Variants in RBFOX1 observed in about 807,000 individuals in gnomAD.
RBFOX1 encodes RNA binding protein fox-1 homolog 1.
RBFOX1 carries 8 observed loss-of-function variants against 57.7 expected under a neutral mutation model. The observed-to-expected ratio is 0.14, with a 90% CI of 0.08 to 0.25. RBFOX1 has a LOEUF of 0.25. Among genes scored for constraint, RBFOX1 ranks in the 10% least tolerant of loss-of-function variants. The pLI is 1.00. For synonymous variants in RBFOX1, 326 were observed against 222.4 expected (o/e 1.47, Z -4.15); for missense variants, 611 against 548.5 (o/e 1.11, Z -1.14).
intron 4 of RBFOX1, among the ~76,000 whole-genome samples, chr16:7,479,689 T>A (rs2063485474): frequency 6.6e-6 from 1 of 152,036 alleles, no homozygotes. Flanking sequence ...GGGCTGCTTC[T>A]CTCCGAGGGG....
chr16:6,020,032 A>T, intron 1 of RBFOX1, 40 bp downstream of exon 1: 1 of 1,447,842 alleles, frequency 6.9e-7, no homozygotes, highest in East Asian at 2.7e-5. Context: ...ACCCACCCTG[A>T]CCTGGTGGGT....
chr16:7,469,760 G>A (rs1223049069), intron 4 of RBFOX1, among the ~76,000 whole-genome samples: 1 of 151,946 alleles, frequency 6.6e-6, no homozygotes, highest in East Asian at 1.9e-4. Flanking sequence ...TTATATTGTT[G>A]TGCAATTACT....
At chr16:7,344,570 T>G (rs187904935) in intron 4 of RBFOX1, among the ~76,000 whole-genome samples, 4 of 151,444 alleles carry the variant, frequency 2.6e-5, no homozygotes, top group Admixed American at 2.6e-4. Flanking sequence ...GTAATGATTA[T>G]ATGTAATATA....
At chr16:7,603,779 G>T (rs2141106146) in intron 9 of RBFOX1, among the ~76,000 whole-genome samples, 1 of 152,280 alleles carries the variant, frequency 6.6e-6, no homozygotes, top group Non-Finnish European at 1.5e-5. Context: ...TTTGGTTAAT[G>T]GTTAGTGTGT....
chr16:5,511,280 T>C (rs1170306300), intron 2 of RBFOX1, among the ~76,000 whole-genome samples: 2 of 152,184 alleles, frequency 1.3e-5, no homozygotes, highest in African/African-American at 4.8e-5. Context: ...GAGATCTGGT[T>C]TGAGGTCTTT....
intron 3 of RBFOX1, among the ~76,000 whole-genome samples, chr16:6,932,765 TTTAAC>T (rs2076769675): frequency 6.6e-6 from 1 of 152,232 alleles, no homozygotes; most frequent in East Asian, 1.9e-4. Flanking sequence ...AATTTACCAT[TTTAAC>T]TTTTTATTGC....
chr16:5,840,948 G>C (rs1331016204), intron 3 of RBFOX1, among the ~76,000 whole-genome samples: 1 of 152,112 alleles, frequency 6.6e-6, no homozygotes, highest in Non-Finnish European at 1.5e-5. Flanking sequence ...TAAGCTCTTA[G>C]GCTATTGCAG....
chr16:7,153,521 G>T lies in RBFOX1; in HGVS notation c.27+101423G>T, dbSNP rs372807548. ...GGAGGCTGCGGCAAGTGAATCACAA[G>T]GTCAAGAGATCGAGACCATCCTGGC... On this transcript the variant is annotated intron_variant, in intron 4 of 15. Transcript: ENST00000550418. Among the ~76,000 whole-genome samples the T allele has an allele frequency of 1.1e-3, 167 of 151,952 alleles. 1 individual carries two copies. Among genetic ancestry groups the T allele is most frequent in the African/African-American group, 3.7e-3 (152 of 41,410 alleles).
At chr16:6,622,145 T>G (rs753698327) in intron 2 of RBFOX1, among the ~76,000 whole-genome samples, 4 of 152,194 alleles carry the variant, frequency 2.6e-5, no homozygotes, top group Non-Finnish European at 5.9e-5. Flanking sequence ...CCTTAAGTAC[T>G]TTATTGAATG....
intron 3 of RBFOX1, among the ~76,000 whole-genome samples, chr16:7,005,075 C>G (rs940105660): frequency 6.6e-6 from 1 of 152,024 alleles, no homozygotes; most frequent in Non-Finnish European, 1.5e-5. Context: ...ATCCAGGAGG[C>G]AGAAGTTGCA....
chr16:5,481,331 G>A (rs1341759793), intron 2 of RBFOX1, among the ~76,000 whole-genome samples: 1 of 152,180 alleles, frequency 6.6e-6, no homozygotes, highest in Non-Finnish European at 1.5e-5. Context: ...TTTCTAGAAG[G>A]AATTAAGAAA....
chr16:6,838,541 C>T (rs896015297), intron 3 of RBFOX1, among the ~76,000 whole-genome samples: 2 of 152,194 alleles, frequency 1.3e-5, no homozygotes, highest in African/African-American at 2.4e-5. Context: ...TGCTTCTGAG[C>T]TGCTACTCTG....
At chr16:5,255,004 A>C (rs899511854) in intron 1 of RBFOX1, among the ~76,000 whole-genome samples, 20 of 152,218 alleles carry the variant, frequency 1.3e-4, no homozygotes, top group African/African-American at 4.8e-4. Context: ...CTACCTGCCC[A>C]GCATGGCAGT....
intron 2 of RBFOX1, among the ~76,000 whole-genome samples, chr16:6,371,161 T>C (rs1456637160): frequency 6.6e-6 from 1 of 152,208 alleles, no homozygotes; most frequent in East Asian, 1.9e-4. Context: ...ACTTTCTCAC[T>C]GTAATTAATA....
At chr16:6,136,452 G>A (rs999583631) in intron 1 of RBFOX1, among the ~76,000 whole-genome samples, 8 of 152,122 alleles carry the variant, frequency 5.3e-5, no homozygotes, top group Admixed American at 4.6e-4. Flanking sequence ...AAGAAAGCAT[G>A]GAGAATTGCG....
chr16:7,185,473 T>C (rs2083533643), intron 4 of RBFOX1, among the ~76,000 whole-genome samples: 2 of 152,292 alleles, frequency 1.3e-5, no homozygotes, highest in South Asian at 4.1e-4. Flanking sequence ...GCTATCTGGG[T>C]CTAGTGCCTC....
chr16:7,011,778 TG>T (rs1227015835), intron 3 of RBFOX1, among the ~76,000 whole-genome samples: 3 of 152,196 alleles, frequency 2.0e-5, no homozygotes, highest in African/African-American at 7.2e-5. Context: ...CCTTCCAAAG[TG>T]CTGGGATTAC....
At chr16:7,502,277 A>G (rs899302783) in intron 4 of RBFOX1, among the ~76,000 whole-genome samples, 1 of 151,810 alleles carries the variant, frequency 6.6e-6, no homozygotes, top group Non-Finnish European at 1.5e-5. Context: ...TATGTGCGGA[A>G]GAAAAAGAGG....
At chr16:7,178,016 GAGA>G (rs1379828138) in intron 4 of RBFOX1, among the ~76,000 whole-genome samples, 1 of 152,154 alleles carries the variant, frequency 6.6e-6, no homozygotes, top group African/African-American at 2.4e-5. Flanking sequence ...CAGAATCTCT[GAGA>G]GTAAAGGCCA....
Sources: gnomAD v4.1 joint callset for allele counts (sites outside exome capture counted in the v4.1 genomes callset) on GRCh38, gnomAD v4.1.1 for gene constraint, MANE v1.5 for transcripts, NCBI Gene and HGNC (gene_info 2026-07-23, HGNC 2026-07-21) for gene names.